Variants in CDK14 observed in about 807,000 individuals in gnomAD.
CDK14 encodes cyclin-dependent kinase 14.
A neutral mutation model predicts 60.7 loss-of-function variants in CDK14; 34 were observed. That is an observed-to-expected ratio of 0.56 (90% CI 0.43 to 0.75). The LOEUF (loss-of-function observed/expected upper bound fraction) is 0.75. CDK14 is among the 30% of genes least tolerant of loss of function. CDK14 has a pLI of 0.00. For synonymous variants in CDK14, 197 were observed against 203.7 expected (o/e 0.97, Z 0.28); for missense variants, 482 against 564.1 (o/e 0.85, Z 1.47).
intron 9 of CDK14, 52 bp downstream of exon 9, chr7:90,955,869 G>C: frequency 6.2e-7 from 1 of 1,601,954 alleles, no homozygotes; most frequent in South Asian, 1.1e-5. Context: ...GCTTGGTCTG[G>C]GTCAAGCCTA....
intron 9 of CDK14, among the ~76,000 whole-genome samples, chr7:90,965,118 A>G (rs1214678221): frequency 6.6e-6 from 1 of 152,058 alleles, no homozygotes. Context: ...GCTTGGCACA[A>G]TGTAGCATTT....
At chr7:91,191,511 A>G (rs898428033) in intron 14 of CDK14, among the ~76,000 whole-genome samples, 15 of 151,714 alleles carry the variant, frequency 9.9e-5, no homozygotes, top group African/African-American at 3.6e-4. Context: ...ATATTCACAC[A>G]TATATATTCA....
chr7:90,647,229 G>A (rs779640804), intron 2 of CDK14, among the ~76,000 whole-genome samples: 7 of 152,054 alleles, frequency 4.6e-5, no homozygotes, highest in Admixed American at 2.0e-4. Context: ...TTGTAGAACC[G>A]TCTTAGTGTG....
intron 3 of CDK14, among the ~76,000 whole-genome samples, chr7:90,735,895 G>C (rs181149835): frequency 1.3e-5 from 2 of 152,204 alleles, no homozygotes; most frequent in African/African-American, 4.8e-5. Flanking sequence ...GCTGCAGCTA[G>C]CTCGGTGTCT....
chr7:91,058,594 A>G (rs539390544), intron 11 of CDK14, among the ~76,000 whole-genome samples: 1 of 152,156 alleles, frequency 6.6e-6, no homozygotes, highest in Non-Finnish European at 1.5e-5. Flanking sequence ...TACCTAATTT[A>G]TTGAGAGTTT....
intron 8 of CDK14, among the ~76,000 whole-genome samples, chr7:90,927,904 G>A (rs1793468442): frequency 6.6e-6 from 1 of 152,162 alleles, no homozygotes; most frequent in Admixed American, 6.5e-5. Flanking sequence ...TGGCGGCTTT[G>A]TTCGTTTCTT....
At chr7:90,803,064 G>C (rs1338093230) in intron 5 of CDK14, among the ~76,000 whole-genome samples, 1 of 151,698 alleles carries the variant, frequency 6.6e-6, no homozygotes, top group African/African-American at 2.4e-5. Context: ...TGCTTGGATA[G>C]GGAATATTGG....
At chr7:90,708,919 G>T (rs1801964424) in intron 2 of CDK14, among the ~76,000 whole-genome samples, 2 of 152,054 alleles carry the variant, frequency 1.3e-5, no homozygotes, top group African/African-American at 4.8e-5. Context: ...AAAAAGAGTG[G>T]ATCAACCACT....
Position 90,615,273 on chromosome 7 carries a change from A to G in CDK14, c.123+11024A>G, listed in dbSNP as rs114652721. Among the ~76,000 whole-genome samples the G allele has an allele frequency of 6.8e-3, 1,031 of 152,324 alleles. 9 individuals carry two copies. Among genetic ancestry groups the G allele is most frequent in the African/African-American group, 0.022 (930 of 41,562 alleles). On this transcript the variant is annotated intron_variant, in intron 2 of 14. Transcript: ENST00000380050. ...CACTGATTAAGAATATCTTTCTCCA[A>G]TCTTGCAAGTTACAATTTAAAAGAC...
At chr7:90,600,228 A>G (rs1245898028) in intron 1 of CDK14, among the ~76,000 whole-genome samples, 2 of 152,198 alleles carry the variant, frequency 1.3e-5, no homozygotes, top group Non-Finnish European at 2.9e-5. Context: ...GTTGTCTCAC[A>G]CTTTTTTTTA....
intron 8 of CDK14, among the ~76,000 whole-genome samples, chr7:90,948,015 A>G (rs1433564517): frequency 6.6e-6 from 1 of 152,168 alleles, no homozygotes; most frequent in Admixed American, 6.5e-5. Context: ...TACTTGTATA[A>G]TGTTTTGAGT....
chr7:90,661,017 T>C (rs1800856091), intron 2 of CDK14, among the ~76,000 whole-genome samples: 1 of 152,206 alleles, frequency 6.6e-6, no homozygotes, highest in Admixed American at 6.5e-5. Context: ...GTGCAGCCAC[T>C]GTGTGAATTG....
At chr7:90,741,876 A>G in intron 3 of CDK14, among the ~76,000 whole-genome samples, 1 of 152,036 alleles carries the variant, frequency 6.6e-6, no homozygotes, top group East Asian at 1.9e-4. Flanking sequence ...TTTTGATTTT[A>G]TTTCAGATAC....
At chr7:90,634,971 G>T (rs1584756408) in intron 2 of CDK14, among the ~76,000 whole-genome samples, 1 of 152,112 alleles carries the variant, frequency 6.6e-6, no homozygotes, top group African/African-American at 2.4e-5. Context: ...CCCACTTTTT[G>T]ATGGGGTTGT....
At position 90,615,192 on chromosome 7, in the gene CDK14, A is replaced by G. The variant is rs7793176; in HGVS notation, c.123+10943A>G. Among the ~76,000 whole-genome samples, 1,029 of 152,344 alleles carry G rather than the reference A, an allele frequency of 6.8e-3. 16 individuals are homozygous for G. Among genetic ancestry groups the G allele is most frequent in the African/African-American group, 0.024 (988 of 41,564 alleles). On this transcript the variant is annotated intron_variant, in intron 2 of 14. Coordinates refer to ENST00000380050, the MANE Select transcript of CDK14 (RefSeq NM_001287135.2). ...TAATACGATAGAAAAAAAGTTTTCAATATGCACTTTTATACCTAGATGAAA... is the reference window on the plus strand; with the variant it reads ...TAATACGATAGAAAAAAAGTTTTCAGTATGCACTTTTATACCTAGATGAAA...
chr7:90,668,704 T>A (rs1173342771), intron 2 of CDK14, among the ~76,000 whole-genome samples: 1 of 17,214 alleles, frequency 5.8e-5, no homozygotes, highest in African/African-American at 3.7e-4. Flanking sequence ...GCATTCTTTT[T>A]TTTTTTTTTT....
intron 10 of CDK14, among the ~76,000 whole-genome samples, chr7:90,995,624 A>G (rs1795660888): frequency 1.3e-5 from 2 of 152,246 alleles, no homozygotes; most frequent in African/African-American, 2.4e-5. Context: ...ATTTTATAGC[A>G]GAGAAAATTA....
intron 2 of CDK14, among the ~76,000 whole-genome samples, chr7:90,652,938 T>C (rs894382074): frequency 2.6e-5 from 4 of 152,176 alleles, no homozygotes; most frequent in Admixed American, 1.3e-4. Context: ...TTTTCAAATA[T>C]GCTAGATATC....
intron 12 of CDK14, among the ~76,000 whole-genome samples, chr7:91,108,352 T>TG (rs1562907573): frequency 6.6e-6 from 1 of 152,208 alleles, no homozygotes; most frequent in East Asian, 1.9e-4. Context: ...TAAAGCATGT[T>TG]TACCATTCGT....
Sources: gnomAD v4.1 joint callset for allele counts (sites outside exome capture counted in the v4.1 genomes callset) on GRCh38, gnomAD v4.1.1 for gene constraint, MANE v1.5 for transcripts, NCBI Gene and HGNC (gene_info 2026-07-23, HGNC 2026-07-21) for gene names.